POU3F3: variants seen among roughly 807,000 people sequenced by gnomAD.
The protein encoded by POU3F3 is POU domain, class 3, transcription factor 3.
A neutral mutation model predicts 8.6 loss-of-function variants in POU3F3; 1 was observed. That is an observed-to-expected ratio of 0.12 (90% CI 0.04 to 0.55). POU3F3 has a LOEUF of 0.55. Ranked by LOEUF, POU3F3 falls within the 20% of genes least tolerant of loss-of-function variation. The probability of loss-of-function intolerance (pLI) is 0.91; values close to 1 mark genes in which losing one functional copy is unlikely to be tolerated. For missense variants in POU3F3, 577 were observed against 690.7 expected (o/e 0.84, Z 1.84); for synonymous variants, 418 against 327.4 (o/e 1.28, Z -2.99).
At chr2:104,887,133 T>G in the POU3F3 span, among the ~76,000 whole-genome samples, 1 of 152,160 alleles carries the variant, frequency 6.6e-6, no homozygotes, top group Non-Finnish European at 1.5e-5. Flanking sequence ...GTCACGGCAC[T>G]GGTGGGAGTG....
At chr2:104,869,689 AAAGGGGAAC>A in the POU3F3 span, among the ~76,000 whole-genome samples, 1 of 152,170 alleles carries the variant, frequency 6.6e-6, no homozygotes, top group Admixed American at 6.5e-5. Context: ...CTGACACCAG[AAAGGGGAAC>A]AACTGATTGT....
chr2:104,864,189 G>T, the POU3F3 span, among the ~76,000 whole-genome samples: 1 of 152,244 alleles, frequency 6.6e-6, no homozygotes, highest in Non-Finnish European at 1.5e-5. Flanking sequence ...CGGCAGCAGG[G>T]CAAGGCAGGG....
the POU3F3 span, among the ~76,000 whole-genome samples, chr2:104,901,307 G>A: frequency 6.6e-6 from 1 of 152,154 alleles, no homozygotes; most frequent in African/African-American, 2.4e-5. Flanking sequence ...GAACCAGTCT[G>A]GCACAAAATG....
At chr2:104,872,059 A>AAC in the POU3F3 span, among the ~76,000 whole-genome samples, 162 of 151,058 alleles carry the variant, frequency 1.1e-3, 1 homozygote, top group Non-Finnish European at 1.3e-4. This position sits in a 1 kb window ranked among gnomAD's most constrained non-coding sequence, Gnocchi z 4.6. Context: ...CCCACCCCCG[A>AAC]ACACACACAC....
the POU3F3 span, among the ~76,000 whole-genome samples, chr2:104,911,414 C>CAAA: frequency 1.8e-4 from 11 of 60,940 alleles, no homozygotes; most frequent in African/African-American, 6.0e-4. Flanking sequence ...GACTCCGTCT[C>CAAA]AAAAAAAAAA....
chr2:104,898,108 G>A, the POU3F3 span, among the ~76,000 whole-genome samples: 2 of 152,146 alleles, frequency 1.3e-5, no homozygotes, highest in Non-Finnish European at 2.9e-5. Flanking sequence ...TGTGAGTGTC[G>A]TGAATGGGAT....
At chr2:104,894,863 A>G in the POU3F3 span, among the ~76,000 whole-genome samples, 1 of 152,220 alleles carries the variant, frequency 6.6e-6, no homozygotes, top group Non-Finnish European at 1.5e-5. Flanking sequence ...GGTGAGAACA[A>G]GCAGGGAGCT....
chr2:104,891,604 C>T, the POU3F3 span, among the ~76,000 whole-genome samples: 2 of 152,112 alleles, frequency 1.3e-5, no homozygotes, highest in African/African-American at 2.4e-5. Flanking sequence ...AGAGGGGCTT[C>T]GGTGGCCAGT....
the POU3F3 span, among the ~76,000 whole-genome samples, chr2:104,905,056 C>G: frequency 1.3e-5 from 2 of 152,152 alleles, no homozygotes; most frequent in Non-Finnish European, 2.9e-5. Flanking sequence ...ATCGCAGCGA[C>G]AAGGTCCAAC....
chr2:104,901,196 A>G, the POU3F3 span, among the ~76,000 whole-genome samples: 1 of 152,202 alleles, frequency 6.6e-6, no homozygotes, highest in Non-Finnish European at 1.5e-5. Context: ...CTGGAGAGAC[A>G]GCCCAGGAGC....
the POU3F3 span, among the ~76,000 whole-genome samples, chr2:104,927,021 C>T: frequency 2.1e-3 from 321 of 152,072 alleles, 4 homozygotes; most frequent in Admixed American, 0.018. Context: ...GGTGGATGGG[C>T]GCAACAAACC....
the POU3F3 span, among the ~76,000 whole-genome samples, chr2:104,910,695 T>C: frequency 6.6e-6 from 1 of 152,154 alleles, no homozygotes; most frequent in African/African-American, 2.4e-5. Context: ...AATGGAAGAA[T>C]GGTTTCGAAT....
the POU3F3 span, among the ~76,000 whole-genome samples, chr2:104,878,817 T>C: frequency 2.4e-4 from 36 of 152,186 alleles, no homozygotes; most frequent in Admixed American, 1.0e-3. Context: ...GTCCTGAGAG[T>C]CACTGCACTA....
At chr2:104,872,048 C>G in the POU3F3 span, among the ~76,000 whole-genome samples, 1 of 151,940 alleles carries the variant, frequency 6.6e-6, no homozygotes, top group East Asian at 1.9e-4. This position sits in a 1 kb window ranked among gnomAD's most constrained non-coding sequence, Gnocchi z 4.6. Flanking sequence ...TCATCGCGCT[C>G]CCCACCCCCG....
chr2:104,858,252 A>C lies in POU3F3; in HGVS notation c.*1239A>C, dbSNP rs1676614788. On this transcript the variant is annotated 3_prime_UTR_variant, in exon 1 of 1. Coordinates refer to ENST00000361360, the MANE Select transcript of POU3F3 (RefSeq NM_006236.3). ...CCAAGCAGTGTTTTTGGTAGGTTTT[A>C]ATAAACAGACTTTTCAAAAGACGGC... 1 of 152,176 alleles carries C rather than the reference A, an allele frequency of 6.6e-6. No homozygotes were observed. The highest frequency in any genetic ancestry group is 1.5e-5 in the Non-Finnish European group (1 of 68,018). 9.4% of individuals were successfully genotyped at this position (152,176 alleles called of 1,614,324 possible).
chr2:104,917,483 G>A, the POU3F3 span, among the ~76,000 whole-genome samples: 7 of 152,254 alleles, frequency 4.6e-5, no homozygotes, highest in South Asian at 1.0e-3. Context: ...TAAGAGAGGG[G>A]CCTGAGCAAG....
chr2:104,882,775 A>G, the POU3F3 span, among the ~76,000 whole-genome samples: 1 of 151,788 alleles, frequency 6.6e-6, no homozygotes, highest in Non-Finnish European at 1.5e-5. Context: ...ACAAATTCAC[A>G]CTCTGTTTCG....
the POU3F3 span, among the ~76,000 whole-genome samples, chr2:104,916,340 T>G: frequency 1.3e-5 from 2 of 152,164 alleles, no homozygotes; most frequent in African/African-American, 4.8e-5. Context: ...TATTTGTCAT[T>G]TCTTGCTGGG....
the POU3F3 span, among the ~76,000 whole-genome samples, chr2:104,910,993 G>C: frequency 6.6e-6 from 1 of 152,154 alleles, no homozygotes; most frequent in African/African-American, 2.4e-5. Context: ...GTATATGGGA[G>C]GATGTAAGTA....
Sources: gnomAD v4.1 joint callset for allele counts (sites outside exome capture counted in the v4.1 genomes callset) on GRCh38, gnomAD v4.1.1 for gene constraint, Gnocchi (gnomAD v3.1) non-coding constraint, MANE v1.5 for transcripts, NCBI Gene and HGNC (gene_info 2026-07-23, HGNC 2026-07-21) for gene names.